RPTOR: variants seen among roughly 807,000 people sequenced by gnomAD.
RPTOR encodes regulatory-associated protein of mTOR.
RPTOR carries 21 observed loss-of-function variants against 169.9 expected under a neutral mutation model. That is an observed-to-expected ratio of 0.12 (90% CI 0.09 to 0.18). RPTOR has a LOEUF of 0.18. Ranked by LOEUF, RPTOR falls within the 10% of genes least tolerant of loss-of-function variation. RPTOR has a pLI of 1.00. For missense variants in RPTOR, 1,133 were observed against 1,855.9 expected (o/e 0.61, Z 7.16); for synonymous variants, 732 against 753.2 (o/e 0.97, Z 0.46).
intron 12 of RPTOR, among the ~76,000 whole-genome samples, chr17:80,856,320 A>C (rs2067851450): frequency 6.6e-6 from 1 of 152,230 alleles, no homozygotes; most frequent in Non-Finnish European, 1.5e-5. Flanking sequence ...AATTTTTTAG[A>C]GATAGACACT....
intron 3 of RPTOR, among the ~76,000 whole-genome samples, chr17:80,701,040 TG>T (rs1275532551): frequency 1.3e-5 from 2 of 152,120 alleles, no homozygotes; most frequent in African/African-American, 4.8e-5. Flanking sequence ...GTTGTCCAGC[TG>T]GGTGATTCTC....
chr17:80,870,408 A>C (rs561834603), intron 13 of RPTOR, among the ~76,000 whole-genome samples: 6 of 152,270 alleles, frequency 3.9e-5, no homozygotes, highest in Admixed American at 6.5e-5. Flanking sequence ...CCGTGCTCAA[A>C]TTCTCTACTG....
At chr17:80,666,388 C>T (rs140223663) in intron 3 of RPTOR, among the ~76,000 whole-genome samples, 20 of 152,210 alleles carry the variant, frequency 1.3e-4, no homozygotes, top group Middle Eastern at 3.4e-3. Flanking sequence ...GACAAGCTAC[C>T]GCTGTCTTCA....
intron 7 of RPTOR, chr17:80,804,429 C>A (rs2067196692): frequency 6.6e-6 from 1 of 152,224 alleles, no homozygotes; most frequent in African/African-American, 2.4e-5. Flanking sequence ...GAATGTGCCT[C>A]CCCGAAATAT....
intron 5 of RPTOR, among the ~76,000 whole-genome samples, chr17:80,733,908 T>C (rs1251222403): frequency 6.6e-6 from 1 of 152,232 alleles, no homozygotes; most frequent in Non-Finnish European, 1.5e-5. Context: ...ATAGCTCATT[T>C]CTTCCATTTT....
intron 22 of RPTOR, 31 bp from the exon 23 acceptor site, chr17:80,923,459 G>A (rs749420980): frequency 1.2e-6 from 2 of 1,612,436 alleles, no homozygotes; most frequent in Admixed American, 3.3e-5. Flanking sequence ...CTCTGCAGAG[G>A]ATGCAGTGTT....
At chr17:80,671,891 G>T (rs758571599) in intron 3 of RPTOR, among the ~76,000 whole-genome samples, 15 of 152,224 alleles carry the variant, frequency 9.9e-5, no homozygotes, top group Non-Finnish European at 2.1e-4. Flanking sequence ...GGCAATTATT[G>T]TCATTGTTTA....
At chr17:80,827,510 C>T (rs2067457626) in intron 9 of RPTOR, among the ~76,000 whole-genome samples, 1 of 152,240 alleles carries the variant, frequency 6.6e-6, no homozygotes, top group Non-Finnish European at 1.5e-5. Context: ...TGCATCCTCA[C>T]CTAGTGCCAC....
intron 9 of RPTOR, among the ~76,000 whole-genome samples, chr17:80,824,425 A>G (rs2067416358): frequency 6.6e-6 from 1 of 152,246 alleles, no homozygotes; most frequent in African/African-American, 2.4e-5. Flanking sequence ...AAGCCTTTGC[A>G]ATACTTAGAA....
At chr17:80,717,992 T>G (rs2066254136) in intron 4 of RPTOR, among the ~76,000 whole-genome samples, 1 of 152,240 alleles carries the variant, frequency 6.6e-6, no homozygotes, top group South Asian at 2.1e-4. Flanking sequence ...CTGCCTTTTC[T>G]TCTTTGCAAA....
chr17:80,863,077 G>T (rs2067938586), intron 13 of RPTOR, among the ~76,000 whole-genome samples: 1 of 152,224 alleles, frequency 6.6e-6, no homozygotes, highest in Non-Finnish European at 1.5e-5. Context: ...GATTCATGGG[G>T]AGGCCTTAAA....
At chr17:80,565,202 C>A (rs923625129) in intron 1 of RPTOR, among the ~76,000 whole-genome samples, 16 of 152,180 alleles carry the variant, frequency 1.1e-4, no homozygotes, top group Non-Finnish European at 2.4e-4. Flanking sequence ...AGAAAAACAC[C>A]TACAGTCCTT....
chr17:80,567,163 G>T (rs531487008), intron 1 of RPTOR, among the ~76,000 whole-genome samples: 1 of 151,936 alleles, frequency 6.6e-6, no homozygotes, highest in South Asian at 2.1e-4. Context: ...TACAGACAGG[G>T]TTTCATCACG....
chr17:80,874,173 T>C (rs1334559931), intron 13 of RPTOR, among the ~76,000 whole-genome samples: 1 of 151,722 alleles, frequency 6.6e-6, no homozygotes, highest in Non-Finnish European at 1.5e-5. Flanking sequence ...ACTGTAGACG[T>C]GGGTATGTCT....
intron 3 of RPTOR, among the ~76,000 whole-genome samples, chr17:80,669,677 C>T (rs1309460434): frequency 6.6e-6 from 1 of 152,242 alleles, no homozygotes; most frequent in Non-Finnish European, 1.5e-5. Flanking sequence ...GCCACCGCGC[C>T]CGGCCCAGTA....
chr17:80,807,963 G>C (rs941856469), intron 7 of RPTOR, among the ~76,000 whole-genome samples: 1 of 152,048 alleles, frequency 6.6e-6, no homozygotes, highest in Non-Finnish European at 1.5e-5. Context: ...CCATAGTTTT[G>C]GTGACCTGCT....
chr17:80,666,074 G>T (rs2065776665), intron 3 of RPTOR, among the ~76,000 whole-genome samples: 2 of 152,020 alleles, frequency 1.3e-5, no homozygotes, highest in South Asian at 2.1e-4. Context: ...TTTAGTGACT[G>T]TCCCTCAAAG....
chr17:80,687,719 TG>T (rs2143731114), intron 3 of RPTOR, among the ~76,000 whole-genome samples: 1 of 152,268 alleles, frequency 6.6e-6, no homozygotes, highest in South Asian at 2.1e-4. Context: ...GCACCGTGGG[TG>T]TTGATGATCT....
Position 80,822,311 on chromosome 17 carries a change from G to A in RPTOR, c.991+10G>A, listed in dbSNP as rs569511051. ...AACGTGCTCCCCCGGGGTGAGGCGC[G>A]GGCCGGGCCTTGGGGAGGGAGGCTA... On this transcript the variant is annotated intron_variant, in intron 8 of 33. Coordinates refer to ENST00000306801, the MANE Select transcript of RPTOR (RefSeq NM_020761.3). 88 of 1,613,550 alleles carry A rather than the reference G, an allele frequency of 5.5e-5. No homozygotes were observed. The South Asian group carries it at 5.5e-4, about 10-fold the overall frequency.
Sources: gnomAD v4.1 joint callset for allele counts (sites outside exome capture counted in the v4.1 genomes callset) on GRCh38, gnomAD v4.1.1 for gene constraint, MANE v1.5 for transcripts, NCBI Gene and HGNC (gene_info 2026-07-23, HGNC 2026-07-21) for gene names.